LARGE1: variants seen among roughly 807,000 people sequenced by gnomAD.
LARGE1 encodes the protein xylosyl- and glucuronyltransferase LARGE1.
Under a neutral mutation model 87.6 loss-of-function variants are expected in LARGE1, and 43 were observed. That is an observed-to-expected ratio of 0.49 (90% confidence interval 0.38 to 0.63). The LOEUF (loss-of-function observed/expected upper bound fraction) is 0.63, where lower values mean the gene tolerates loss of function less well. Ranked by LOEUF, LARGE1 falls within the 30% of genes least tolerant of loss-of-function variation. The probability of loss-of-function intolerance (pLI) is 0.00; values close to 1 mark genes in which losing one functional copy is unlikely to be tolerated. For synonymous variants in LARGE1, 434 were observed against 394.6 expected, an observed-to-expected ratio of 1.10 and a Z score of -1.18; for missense variants, 802 against 1,000.2, an observed-to-expected ratio of 0.80 and a Z score of 2.67.
intron 9 of LARGE1, among the ~76,000 whole-genome samples, chr22:33,370,058 A>G (rs2064751401): frequency 6.6e-6 from 1 of 152,222 alleles, no homozygotes; most frequent in African/African-American, 2.4e-5. Context: ...CTGGCTACCA[A>G]TTGCTTAGGA....
intron 6 of LARGE1, among the ~76,000 whole-genome samples, chr22:33,490,604 C>T (rs1417037888): frequency 6.6e-6 from 1 of 152,146 alleles, no homozygotes; most frequent in East Asian, 1.9e-4. Flanking sequence ...TTTTAGTCTC[C>T]AACTAGAGTC....
At chr22:33,249,355 T>C (rs948184053) in intron 11 of LARGE1, among the ~76,000 whole-genome samples, 2 of 152,216 alleles carry the variant, frequency 1.3e-5, no homozygotes, top group Admixed American at 6.5e-5. Flanking sequence ...GAGATGTCTG[T>C]TAAAGTCTTT....
chr22:33,712,621 G>C (rs1040082869), intron 2 of LARGE1, among the ~76,000 whole-genome samples: 14 of 148,476 alleles, frequency 9.4e-5, no homozygotes, highest in Admixed American at 5.5e-4. Context: ...CACAGAAATT[G>C]AGGGGTGAGG....
chr22:33,287,452 G>T (rs532791273), intron 12 of LARGE1, among the ~76,000 whole-genome samples: 7 of 152,334 alleles, frequency 4.6e-5, no homozygotes, highest in African/African-American at 1.4e-4. Flanking sequence ...TCACCAGATA[G>T]ATCTATTTCA....
intron 6 of LARGE1, among the ~76,000 whole-genome samples, chr22:33,542,162 CAAAAAAA>C (rs150998193): frequency 1.1e-5 from 1 of 92,696 alleles, no homozygotes; most frequent in Admixed American, 1.3e-4. Flanking sequence ...AACTCTGTCT[CAAAAAAA>C]AAAAAAAAAA....
intron 1 of LARGE1, among the ~76,000 whole-genome samples, chr22:33,772,964 C>T (rs533702053): frequency 1.3e-5 from 2 of 152,340 alleles, no homozygotes; most frequent in South Asian, 4.1e-4. Context: ...AACTAGCTGT[C>T]TGACTGTACA....
intron 11 of LARGE1, among the ~76,000 whole-genome samples, chr22:33,221,209 G>A (rs137465): frequency 0.042 from 6,372 of 151,952 alleles, 196 homozygotes; most frequent in Admixed American, 0.088. Flanking sequence ...AAGGAATTAA[G>A]CAAAAGGCTA....
chr22:33,441,071 C>CTTT lies in LARGE1; in HGVS notation c.788-8809_788-8807dup, dbSNP rs35976426. 4.0e-3 allele frequency among the ~76,000 whole-genome samples: 391 copies of CTTT among 98,494 alleles called. 16 individuals carry two copies. The highest frequency in any genetic ancestry group is 0.01 in the African/African-American group (211 of 20,382). 64.6% of individuals were successfully genotyped at this position (98,494 alleles called of 152,430 possible). On this transcript the variant is annotated intron_variant, in intron 6 of 14. Coordinates refer to ENST00000397394, the MANE Select transcript of LARGE1 (RefSeq NM_133642.5). Reference sequence around the variant, plus strand: ...CTCAGCTGCTGCTATTTTGTTTGAACTTTTTTTTTTTTTTTTTTTTGAGAG... The same window carrying CTTT: ...CTCAGCTGCTGCTATTTTGTTTGAACTTTTTTTTTTTTTTTTTTTTTTTGAGAG...
At chr22:33,778,855 T>C (rs1393069804) in intron 1 of LARGE1, among the ~76,000 whole-genome samples, 1 of 152,180 alleles carries the variant, frequency 6.6e-6, no homozygotes, top group Non-Finnish European at 1.5e-5. Context: ...TTCCCCATGT[T>C]GGCCAGGCTG....
At chr22:33,270,877 C>G (rs1028065877), downstream of LARGE1, among the ~76,000 whole-genome samples, 1 of 152,188 alleles carries the variant, frequency 6.6e-6, no homozygotes, top group Non-Finnish European at 1.5e-5. Flanking sequence ...CAGCTCAACA[C>G]ATTCAGAGAG....
chr22:33,807,487 G>C (rs1187208310), intron 1 of LARGE1, among the ~76,000 whole-genome samples: 1 of 152,074 alleles, frequency 6.6e-6, no homozygotes, highest in Non-Finnish European at 1.5e-5. Flanking sequence ...CCATCAGAGT[G>C]GTAAGTTTCT....
chr22:33,397,046 G>A lies in LARGE1; in HGVS notation c.893-12742C>T, dbSNP rs183226137. Among the ~76,000 whole-genome samples the A allele has an allele frequency of 7.2e-5, 11 of 152,288 alleles. 1 individual carries two copies. In the East Asian group the frequency reaches 1.9e-3, roughly 27 times the overall value. ...TAACTAGAACCCAGACCAAGAAACA[G>A]AATATCACTAAACCAGAATCCCCCT... On this transcript the variant is annotated intron_variant, in intron 7 of 14. Coordinates refer to ENST00000397394, the MANE Select transcript of LARGE1 (RefSeq NM_133642.5).
In LARGE1 at chr22:33,366,908, AAATTGG is replaced by A. The variant is rs1418431613; in HGVS notation, c.1131+15005_1131+15010del. Reference sequence around the variant, plus strand: ...CATATTCTCTAGAAAAGTTTATTTAAAATTGGAAATGTCCTTGGATTAAAAAAAATT... The same window carrying A: ...CATATTCTCTAGAAAAGTTTATTTAAAAATGTCCTTGGATTAAAAAAAATT... On this transcript the variant is annotated intron_variant, in intron 9 of 14. Coordinates refer to ENST00000397394, the MANE Select transcript of LARGE1 (RefSeq NM_133642.5). Among the ~76,000 whole-genome samples the A allele has an allele frequency of 2.6e-5, 4 of 152,128 alleles. No homozygotes were observed. The East Asian group carries it at 7.7e-4, about 29-fold the overall frequency.
At chr22:33,840,432 C>T (rs2063246110) in intron 1 of LARGE1, among the ~76,000 whole-genome samples, 1 of 152,148 alleles carries the variant, frequency 6.6e-6, no homozygotes. Flanking sequence ...TGGCAAAATA[C>T]TGAGAGTAAT....
chr22:33,555,329 T>C (rs917748686), intron 6 of LARGE1, among the ~76,000 whole-genome samples: 3 of 152,056 alleles, frequency 2.0e-5, no homozygotes, highest in South Asian at 2.1e-4. Context: ...CCTGGGTCTG[T>C]CCTCCCTATG....
chr22:33,754,125 T>C (rs1245314347), intron 2 of LARGE1, among the ~76,000 whole-genome samples: 1 of 152,064 alleles, frequency 6.6e-6, no homozygotes, highest in Non-Finnish European at 1.5e-5. Context: ...ATAATTGGGA[T>C]AGACTTTACT....
At chr22:33,779,377 C>G (rs1315798647) in intron 1 of LARGE1, among the ~76,000 whole-genome samples, 1 of 151,136 alleles carries the variant, frequency 6.6e-6, no homozygotes, top group Non-Finnish European at 1.5e-5. Flanking sequence ...ATATGCCATA[C>G]ATTACACACA....
Position 33,192,213 on chromosome 22 carries a change from T to C in LARGE1, c.1731-25381A>G, listed in dbSNP as rs1223777577. Among the ~76,000 whole-genome samples the C allele has an allele frequency of 3.3e-5, 5 of 152,204 alleles. No homozygotes were observed. In the East Asian group the frequency reaches 9.6e-4, roughly 29 times the overall value. ...TTAAGAGTATCATCAGTAAAAGGAATTATTATTTGCCCTTTTAGAGGTGAA... is the reference window on the plus strand; with the variant it reads ...TTAAGAGTATCATCAGTAAAAGGAACTATTATTTGCCCTTTTAGAGGTGAA... On this transcript the variant is annotated intron_variant, in intron 11 of 11. Transcript: ENST00000608642.
At chr22:33,250,757 G>T (rs1025193807) in intron 11 of LARGE1, among the ~76,000 whole-genome samples, 10 of 152,296 alleles carry the variant, frequency 6.6e-5, no homozygotes, top group Non-Finnish European at 1.2e-4. Flanking sequence ...CTACTTATAT[G>T]ATCATGTAAT....
Sources: gnomAD v4.1 joint callset for allele counts (sites outside exome capture counted in the v4.1 genomes callset) on GRCh38, gnomAD v4.1.1 for gene constraint, MANE v1.5 for transcripts, NCBI Gene and HGNC (gene_info 2026-07-23, HGNC 2026-07-21) for gene names.